Variants in LOC128706665 observed in about 807,000 individuals in gnomAD.
At chr20:10,431,820 T>C in the LOC128706665 span, 1 of 152,228 alleles carries the variant, frequency 6.6e-6, no homozygotes, top group Non-Finnish European at 1.5e-5. Flanking sequence ...TCTTGTCCCC[T>C]TTGGTCCACA....
At chr20:10,416,760 G>A in the LOC128706665 span, among the ~76,000 whole-genome samples, 20 of 152,294 alleles carry the variant, frequency 1.3e-4, no homozygotes, top group Middle Eastern at 3.4e-3. Flanking sequence ...TAATGAAATA[G>A]TGCATTAGAC....
At chr20:10,417,061 A>C in the LOC128706665 span, among the ~76,000 whole-genome samples, 1 of 152,100 alleles carries the variant, frequency 6.6e-6, no homozygotes, top group Admixed American at 6.5e-5. Flanking sequence ...TCACCTGGCC[A>C]ACATGGTGAA....
the LOC128706665 span, among the ~76,000 whole-genome samples, chr20:10,415,836 C>T: frequency 1.2e-3 from 181 of 152,320 alleles, no homozygotes; most frequent in Admixed American, 2.9e-3. Flanking sequence ...GAGACCAGTA[C>T]ACATATCTTT....
chr20:10,426,346 G>A, the LOC128706665 span, among the ~76,000 whole-genome samples: 5 of 152,222 alleles, frequency 3.3e-5, no homozygotes, highest in African/African-American at 9.6e-5. Flanking sequence ...TTTGGAGGGC[G>A]TGAGGCACAC....
the LOC128706665 span, among the ~76,000 whole-genome samples, chr20:10,415,541 G>A: frequency 6.6e-6 from 1 of 152,096 alleles, no homozygotes; most frequent in Non-Finnish European, 1.5e-5. Flanking sequence ...GGCATGAGGA[G>A]GGAAAGAAAA....
the LOC128706665 span, among the ~76,000 whole-genome samples, chr20:10,418,929 A>C: frequency 3.3e-5 from 5 of 152,152 alleles, no homozygotes; most frequent in African/African-American, 1.2e-4. Context: ...TTTTATATAG[A>C]ATGTCCTAAA....
chr20:10,421,864 C>A, the LOC128706665 span, among the ~76,000 whole-genome samples: 1 of 152,042 alleles, frequency 6.6e-6, no homozygotes, highest in African/African-American at 2.4e-5. Flanking sequence ...GGTTTGGGAA[C>A]TTGAATCTGG....
the LOC128706665 span, among the ~76,000 whole-genome samples, chr20:10,422,190 A>G: frequency 6.6e-6 from 1 of 152,118 alleles, no homozygotes; most frequent in Non-Finnish European, 1.5e-5. Context: ...ATTTCTCCCA[A>G]AGGTCTCAAT....
At chr20:10,427,930 G>A in the LOC128706665 span, among the ~76,000 whole-genome samples, 6 of 152,210 alleles carry the variant, frequency 3.9e-5, no homozygotes, top group East Asian at 3.8e-4. Flanking sequence ...TGCTAACAGC[G>A]TAACTGAGTC....
At chr20:10,422,849 C>A in the LOC128706665 span, among the ~76,000 whole-genome samples, 1 of 151,756 alleles carries the variant, frequency 6.6e-6, no homozygotes, top group African/African-American at 2.4e-5. Flanking sequence ...GTAGCTGGGA[C>A]TACAGGTGCC....
At chr20:10,432,150 A>G in the LOC128706665 span, among the ~76,000 whole-genome samples, 1 of 152,226 alleles carries the variant, frequency 6.6e-6, no homozygotes, top group Non-Finnish European at 1.5e-5. Context: ...CGACAGATCA[A>G]TCAAGGGGTA....
chr20:10,417,480 G>A, the LOC128706665 span, among the ~76,000 whole-genome samples: 288 of 152,224 alleles, frequency 1.9e-3, 7 homozygotes, highest in South Asian at 0.046. Context: ...GTGTGGTGGC[G>A]GATGCCTATA....
chr20:10,432,595 C>G, the LOC128706665 span, among the ~76,000 whole-genome samples: 1 of 152,030 alleles, frequency 6.6e-6, no homozygotes, highest in Non-Finnish European at 1.5e-5. Context: ...GAGTTCAAGA[C>G]CAGCCTGGCC....
chr20:10,413,837 T>C, the LOC128706665 span: 1 of 456,916 alleles, frequency 2.2e-6, no homozygotes, highest in Non-Finnish European at 3.9e-6. Context: ...CTATGAAAGA[T>C]ATCCCAGCTA....
At chr20:10,416,772 CAT>C in the LOC128706665 span, among the ~76,000 whole-genome samples, 2 of 152,150 alleles carry the variant, frequency 1.3e-5, no homozygotes, top group Non-Finnish European at 2.9e-5. Flanking sequence ...GCATTAGACC[CAT>C]ATATGGTGGT....
the LOC128706665 span, among the ~76,000 whole-genome samples, chr20:10,431,007 C>T: frequency 1.3e-5 from 2 of 152,188 alleles, no homozygotes; most frequent in East Asian, 3.8e-4. Context: ...AATTACTTCT[C>T]TCCTGCCTCA....
the LOC128706665 span, among the ~76,000 whole-genome samples, chr20:10,418,010 C>T: frequency 6.6e-6 from 1 of 152,146 alleles, no homozygotes; most frequent in Non-Finnish European, 1.5e-5. Context: ...TTCCAACAAA[C>T]CACCTGAAAA....
chr20:10,420,121 G>A, the LOC128706665 span, among the ~76,000 whole-genome samples: 2 of 152,002 alleles, frequency 1.3e-5, no homozygotes, highest in African/African-American at 4.8e-5. Flanking sequence ...ACAAATTATG[G>A]TCAAGCTAAA....
the LOC128706665 span, among the ~76,000 whole-genome samples, chr20:10,417,148 G>A: frequency 0.012 from 1,862 of 151,128 alleles, 40 homozygotes; most frequent in African/African-American, 0.042. Flanking sequence ...TTACTCGGGA[G>A]GTTGAAGCAG....
Sources: gnomAD v4.1 joint callset for allele counts (sites outside exome capture counted in the v4.1 genomes callset) on GRCh38, gnomAD v4.1.1 for gene constraint, MANE v1.5 for transcripts.